Variants in RAPGEF5 observed in about 807,000 individuals in gnomAD.
RAPGEF5 encodes M-Ras-regulated GEF.
A neutral mutation model predicts 125.2 loss-of-function variants in RAPGEF5; 65 were observed. That is an observed-to-expected ratio of 0.52 (90% CI 0.43 to 0.64). RAPGEF5 has a LOEUF of 0.64. Among genes scored for constraint, RAPGEF5 ranks in the 30% least tolerant of loss-of-function variants. The pLI, the probability that RAPGEF5 is intolerant of heterozygous loss-of-function variation, is 0.00. For synonymous variants in RAPGEF5, 391 were observed against 385.9 expected, an observed-to-expected ratio of 1.01 and a Z score of -0.16; for missense variants, 958 against 1,048.1, an observed-to-expected ratio of 0.91 and a Z score of 1.19.
intron 6 of RAPGEF5, among the ~76,000 whole-genome samples, chr7:22,278,711 TA>T (rs1185994094): frequency 6.7e-6 from 1 of 150,034 alleles, no homozygotes; most frequent in African/African-American, 2.5e-5. Flanking sequence ...CCAGAAATAA[TA>T]AAAAGGTCAC....
At chr7:22,210,328 G>T (rs1317020763) in intron 9 of RAPGEF5, among the ~76,000 whole-genome samples, 1 of 152,146 alleles carries the variant, frequency 6.6e-6, no homozygotes, top group African/African-American at 2.4e-5. Flanking sequence ...ATTCACAGGG[G>T]TGTCAACATA....
chr7:22,278,703 A>G (rs1451849910), intron 6 of RAPGEF5, among the ~76,000 whole-genome samples: 1 of 150,486 alleles, frequency 6.6e-6, no homozygotes, highest in African/African-American at 2.5e-5. Context: ...ATTGCAGGCC[A>G]GAAATAATAA....
chr7:22,345,366 C>A (rs1452485505), intron 1 of RAPGEF5, among the ~76,000 whole-genome samples: 1 of 152,182 alleles, frequency 6.6e-6, no homozygotes, highest in African/African-American at 2.4e-5. Context: ...CTCAGATCTG[C>A]AATTTCAGGC....
chr7:22,220,047 A>ACAC lies in RAPGEF5; in HGVS notation c.871-59_871-57dup, dbSNP rs759481512. On this transcript the variant is annotated intron_variant, in intron 8 of 25. Transcript: ENST00000665637. ...CTTAAAACCACAGTCCCAGGACATG[A>ACAC]CACCACCGCAAAGTTCACCTTATAA... The ACAC allele has an allele frequency of 3.4e-5, 54 of 1,585,678 alleles. No individual in the cohort carries two copies. The Middle Eastern group carries it at 1.3e-3, about 39-fold the overall frequency.
chr7:22,284,067 C>CTGTGTGTGTG (rs1554273151), intron 6 of RAPGEF5, among the ~76,000 whole-genome samples: 15 of 149,684 alleles, frequency 1.0e-4, no homozygotes, highest in East Asian at 5.9e-4. Flanking sequence ...TTTTAAAAAG[C>CTGTGTGTGTG]TGTGTGTGTG....
intron 7 of RAPGEF5, among the ~76,000 whole-genome samples, chr7:22,254,314 GAA>G (rs112298255): frequency 7.7e-6 from 1 of 129,352 alleles, no homozygotes; most frequent in Non-Finnish European, 1.7e-5. Flanking sequence ...GTAATCAAAA[GAA>G]AAAAAAAAAA....
At chr7:22,295,167 G>C (rs1783031046) in intron 5 of RAPGEF5, among the ~76,000 whole-genome samples, 1 of 152,206 alleles carries the variant, frequency 6.6e-6, no homozygotes, top group East Asian at 1.9e-4. Context: ...AAGTGGGATG[G>C]TGGAAGAATG....
intron 11 of RAPGEF5, among the ~76,000 whole-genome samples, chr7:22,177,571 A>C (rs11976680): frequency 0.36 from 55,371 of 152,108 alleles, 10,137 homozygotes; most frequent in Non-Finnish European, 0.39. Context: ...ATTGACCACA[A>C]ACTGTGCCAG....
intron 8 of RAPGEF5, among the ~76,000 whole-genome samples, chr7:22,227,612 G>A (rs565589816): frequency 3.4e-4 from 52 of 152,204 alleles, no homozygotes; most frequent in Admixed American, 3.3e-3. Context: ...GGCTGAGGTG[G>A]GCAGACTGCT....
At chr7:22,234,377 T>C (rs1786133952) in intron 7 of RAPGEF5, among the ~76,000 whole-genome samples, 1 of 152,206 alleles carries the variant, frequency 6.6e-6, no homozygotes, top group Non-Finnish European at 1.5e-5. Context: ...TATGCAAATA[T>C]TGATTCTGGG....
chr7:22,230,977 A>G, intron 7 of RAPGEF5, 58 bp from the exon 8 acceptor site: 1 of 1,486,912 alleles, frequency 6.7e-7, no homozygotes, highest in Non-Finnish European at 9.2e-7. Context: ...TGCTTCAGAT[A>G]ATTTTCTTTC....
intron 3 of RAPGEF5, among the ~76,000 whole-genome samples, chr7:22,311,676 A>G (rs376841974): frequency 6.6e-6 from 1 of 152,226 alleles, no homozygotes; most frequent in East Asian, 1.9e-4. Flanking sequence ...GTTGCAGGTT[A>G]GCATAAGACA....
At position 22,122,471 on chromosome 7, in the gene RAPGEF5, G is replaced by C; in HGVS notation, c.2587C>G (p.Leu863Val). 3 of 1,613,898 alleles carry C rather than the reference G, an allele frequency of 1.9e-6. No homozygotes were observed. Among genetic ancestry groups the C allele is most frequent in the Non-Finnish European group, 2.5e-6 (3 of 1,179,856 alleles). ...GCCTGCTGGCTGTCAATGACATACA[G>C]GTGATTAACATAGGACTTTAACTCT... ...HQELKSYVNH[L>V]YVIDSQQALF... The change falls in exon 26 of 26, where the codon CTG becomes GTG. Residue 863 changes from leucine to valine, a missense_variant. Leu to Val is a conservative substitution (Grantham distance 32, BLOSUM62 1). Coordinates refer to ENST00000665637, the MANE Select transcript of RAPGEF5 (RefSeq NM_012294.5).
intron 11 of RAPGEF5, among the ~76,000 whole-genome samples, chr7:22,179,166 A>T (rs1044508842): frequency 6.6e-6 from 1 of 152,138 alleles, no homozygotes; most frequent in Non-Finnish European, 1.5e-5. Context: ...ATACAATTAG[A>T]TACTAAAATC....
rs1440793465 is a variant in RAPGEF5 at position 22,259,737 on chromosome 7, C to T, written c.796+7227G>A. Among the ~76,000 whole-genome samples the T allele has an allele frequency of 2.6e-5, 4 of 152,206 alleles. No individual in the cohort carries two copies. In the East Asian group the frequency reaches 7.7e-4, roughly 29 times the overall value. On this transcript the variant is annotated intron_variant, in intron 7 of 25. Transcript: ENST00000665637. The stretch of plus-strand genomic sequence containing the variant: ...AGTGAAAGAAGCCAGTCTGAAAAGG[C>T]TACGTATTGTACGATTCCAACCATA...
chr7:22,164,640 T>C (rs1784106565), intron 12 of RAPGEF5, among the ~76,000 whole-genome samples: 1 of 152,210 alleles, frequency 6.6e-6, no homozygotes, highest in Non-Finnish European at 1.5e-5. Flanking sequence ...CCGGTTAAAT[T>C]TGCATTTGTA....
Position 22,266,293 on chromosome 7 carries a change from G to T in RAPGEF5, c.796+671C>A, listed in dbSNP as rs572034762. Among the ~76,000 whole-genome samples the T allele has an allele frequency of 4.6e-5, 7 of 152,096 alleles. No individual in the cohort carries two copies. In the South Asian group the frequency reaches 1.5e-3, roughly 32 times the overall value. On this transcript the variant is annotated intron_variant, in intron 7 of 25. Coordinates refer to ENST00000665637, the MANE Select transcript of RAPGEF5 (RefSeq NM_012294.5). ...TTCCATTCAGCATTGACCTCCTCCC[G>T]CAGCAAAGGATGCCTCCTACTGACA...
At chr7:22,158,309 G>A (rs1243275002) in intron 14 of RAPGEF5, among the ~76,000 whole-genome samples, 1 of 152,134 alleles carries the variant, frequency 6.6e-6, no homozygotes, top group Non-Finnish European at 1.5e-5. Context: ...TTCAGCCAAG[G>A]CACATCTTCT....
chr7:22,259,053 A>G (rs979565329), intron 7 of RAPGEF5, among the ~76,000 whole-genome samples: 5 of 152,204 alleles, frequency 3.3e-5, no homozygotes, highest in African/African-American at 7.2e-5. Context: ...TTTTGCAAAG[A>G]CACTTAAGAA....
Sources: allele counts gnomAD v4.1 joint callset (sites outside exome capture counted in the v4.1 genomes callset), GRCh38; gene constraint gnomAD v4.1.1; transcripts MANE v1.5; gene names NCBI Gene and HGNC (gene_info 2026-07-23, HGNC 2026-07-21).